The following RAB3IP variants were observed in gnomAD, a reference collection of about 807,000 sequenced individuals.
RAB3IP encodes the protein RAB3A interacting protein, also known as rab-3A-interacting protein.
A neutral mutation model predicts 59.1 loss-of-function variants in RAB3IP; 36 were observed. That is an observed-to-expected ratio of 0.61 (90% confidence interval 0.47 to 0.80). RAB3IP has a LOEUF of 0.80. Ranked by LOEUF, RAB3IP falls within the 30% of genes least tolerant of loss-of-function variation. The pLI, the probability that RAB3IP is intolerant of heterozygous loss-of-function variation, is 0.00. For missense variants in RAB3IP, 511 were observed against 536.0 expected, an observed-to-expected ratio of 0.95 and a Z score of 0.46; for synonymous variants, 207 against 191.2, an observed-to-expected ratio of 1.08 and a Z score of -0.68.
intron 3 of RAB3IP, among the ~76,000 whole-genome samples, chr12:69,770,153 CAT>C (rs1172230252): frequency 3.9e-5 from 6 of 152,060 alleles, no homozygotes; most frequent in South Asian, 2.1e-4. Flanking sequence ...TCATTAATAA[CAT>C]ATTTTTAATG....
chr12:69,806,518 G>C (rs545108253), intron 8 of RAB3IP, among the ~76,000 whole-genome samples: 356 of 136,704 alleles, frequency 2.6e-3, no homozygotes, highest in African/African-American at 9.6e-3. Context: ...TCTGATCTTA[G>C]TTATTTCTTG....
rs1348921008 is a variant in RAB3IP, at chr12:69,820,205, T to C, written c.*4759T>C. The stretch of plus-strand genomic sequence containing the variant: ...TTGTATTTGTGTTTAACTTTTGTGC[T>C]TAACAGATCTGCCATGGCTGAACTC... On this transcript the variant is annotated 3_prime_UTR_variant, in exon 11 of 11. Transcript: ENST00000247833. 2.6e-5 allele frequency: 4 copies of C among 152,232 alleles called. No homozygotes were observed. Among genetic ancestry groups the C allele is most frequent in the African/African-American group, 7.2e-5 (3 of 41,456 alleles). 9.4% of individuals were successfully genotyped at this position (152,232 alleles called of 1,614,324 possible).
chr12:69,763,444 C>G (rs1297862096), intron 3 of RAB3IP, among the ~76,000 whole-genome samples: 1 of 152,204 alleles, frequency 6.6e-6, no homozygotes, highest in Non-Finnish European at 1.5e-5. Context: ...ATGACCCTTG[C>G]TCTTGATCAG....
At chr12:69,786,946 A>T (rs141887053) in intron 4 of RAB3IP, among the ~76,000 whole-genome samples, 167 of 152,346 alleles carry the variant, frequency 1.1e-3, no homozygotes, top group African/African-American at 3.8e-3. Flanking sequence ...GGTAATGAAG[A>T]AAGTTGTATT....
chr12:69,751,004 G>T (rs1869193861), intron 1 of RAB3IP, among the ~76,000 whole-genome samples: 1 of 152,058 alleles, frequency 6.6e-6, no homozygotes, highest in African/African-American at 2.4e-5. Context: ...CTGCTAAAAA[G>T]AACTTTTTCT....
intron 3 of RAB3IP, among the ~76,000 whole-genome samples, chr12:69,760,572 C>T (rs1871156519): frequency 6.6e-6 from 1 of 151,944 alleles, no homozygotes; most frequent in Non-Finnish European, 1.5e-5. Context: ...TGAAGGACAT[C>T]CTTTTACATT....
rs201999192 is a variant in RAB3IP at position 69,812,825 on chromosome 12, A to C, written c.1178A>C (p.Lys393Thr). 180 of 1,613,256 alleles carry C rather than the reference A, an allele frequency of 1.1e-4. 2 individuals are homozygous for C. In the East Asian group the frequency reaches 4.0e-3, roughly 36 times the overall value. Residue 393 changes from lysine (K) to threonine (T), a missense_variant, in exon 9 of 11, where the codon AAA becomes ACA. Physicochemically the swap from Lys to Thr is moderately conservative, Grantham distance 78. Coordinates refer to ENST00000247833, the MANE Select transcript of RAB3IP (RefSeq NM_022456.5). ...AGTAAGTCCTGTAAACACAGAATTA[A>C]ATTAGGGGACTCAAGCAACTATTAT... The part of the protein sequence containing the change: ...GQSKSCKHRI[K>T]LGDSSNYYYI...
At chr12:69,764,803 G>A (rs929821400) in intron 3 of RAB3IP, among the ~76,000 whole-genome samples, 2 of 151,974 alleles carry the variant, frequency 1.3e-5, no homozygotes, top group East Asian at 1.9e-4. Flanking sequence ...AAATTTCTTT[G>A]TGTTATTTAT....
At chr12:69,744,504 C>A (rs1054740261) in intron 1 of RAB3IP, among the ~76,000 whole-genome samples, 6 of 151,914 alleles carry the variant, frequency 3.9e-5, no homozygotes, top group African/African-American at 1.5e-4. Flanking sequence ...CAGACAGTTA[C>A]TTGAGGTCAG....
intron 6 of RAB3IP, among the ~76,000 whole-genome samples, chr12:69,797,424 TCCTTAGAATA>T (rs1401199269): frequency 3.3e-5 from 5 of 151,840 alleles, no homozygotes; most frequent in African/African-American, 2.4e-5. Flanking sequence ...CTAGAATCTT[TCCTTAGAATA>T]CCACTTACCT....
intron 8 of RAB3IP, among the ~76,000 whole-genome samples, chr12:69,805,489 C>A (rs1025745915): frequency 6.6e-6 from 1 of 152,022 alleles, no homozygotes; most frequent in Non-Finnish European, 1.5e-5. Flanking sequence ...GCCCTTTATT[C>A]CCTTCTCCTG....
intron 1 of RAB3IP, among the ~76,000 whole-genome samples, chr12:69,750,114 C>A (rs189049248): frequency 1.3e-5 from 2 of 152,166 alleles, no homozygotes; most frequent in Non-Finnish European, 2.9e-5. Flanking sequence ...GGTCTAATAA[C>A]GGTAGGCTTT....
At chr12:69,740,913 T>C (rs1423256057) in intron 1 of RAB3IP, among the ~76,000 whole-genome samples, 1 of 152,236 alleles carries the variant, frequency 6.6e-6, no homozygotes, top group African/African-American at 2.4e-5. Context: ...GTGAACAAAT[T>C]AGTGAGCTGG....
In RAB3IP at chr12:69,780,426, G is replaced by T. The variant is rs2071957564; in HGVS notation, c.511-4294G>T. 2.0e-5 allele frequency among the ~76,000 whole-genome samples: 3 copies of T among 152,178 alleles called. No homozygotes were observed. In the South Asian group the frequency reaches 6.2e-4, roughly 31 times the overall value. The stretch of plus-strand genomic sequence containing the variant: ...GCCGAGTCTGGGCCCCTTCACTGCT[G>T]TGGGACAGAGGCTGGCAAACCCACC... On this transcript the variant is annotated intron_variant, in intron 3 of 10. Transcript: ENST00000247833.
chr12:69,769,957 G>A (rs779108302), intron 3 of RAB3IP, among the ~76,000 whole-genome samples: 11 of 152,076 alleles, frequency 7.2e-5, no homozygotes, highest in Admixed American at 1.3e-4. Context: ...GTTGGGTTCC[G>A]TATTTGTGAT....
intron 3 of RAB3IP, among the ~76,000 whole-genome samples, chr12:69,757,504 G>C (rs1225907831): frequency 6.6e-6 from 1 of 152,114 alleles, no homozygotes; most frequent in Admixed American, 6.5e-5. Flanking sequence ...GATGTCACTG[G>C]AGACTCATAT....
chr12:69,791,446 A>G (rs550227879), intron 4 of RAB3IP, among the ~76,000 whole-genome samples: 4 of 152,332 alleles, frequency 2.6e-5, no homozygotes, highest in African/African-American at 7.2e-5. Context: ...TAAGGAGTTA[A>G]TATCCAAAGT....
intron 3 of RAB3IP, among the ~76,000 whole-genome samples, chr12:69,767,527 C>T (rs1872414520): frequency 2.0e-5 from 3 of 152,234 alleles, no homozygotes; most frequent in Admixed American, 6.5e-5. Context: ...TGGGCGGCCA[C>T]CAAGTACCCA....
intron 7 of RAB3IP, among the ~76,000 whole-genome samples, chr12:69,801,166 T>A (rs1296320750): frequency 6.6e-6 from 1 of 152,216 alleles, no homozygotes; most frequent in African/African-American, 2.4e-5. Context: ...CTAATTCTTT[T>A]GTAGACTCAC....
Sources: gnomAD v4.1 joint callset for allele counts (sites outside exome capture counted in the v4.1 genomes callset) on GRCh38, gnomAD v4.1.1 for gene constraint, MANE v1.5 for transcripts, NCBI Gene and HGNC (gene_info 2026-07-23, HGNC 2026-07-21) for gene names.